Variants in ANKRD28 observed in about 807,000 individuals in gnomAD.
The protein encoded by ANKRD28 is serine/threonine-protein phosphatase 6 regulatory ankyrin repeat subunit A.
Under a neutral mutation model 126.5 loss-of-function variants are expected in ANKRD28, and 44 were observed. That is an observed-to-expected ratio of 0.35 (90% confidence interval 0.27 to 0.45). The LOEUF (loss-of-function observed/expected upper bound fraction) is 0.45, where lower values mean the gene tolerates loss of function less well. ANKRD28 is among the 20% of genes least tolerant of loss of function. The pLI, the probability that ANKRD28 is intolerant of heterozygous loss-of-function variation, is 1.00. For synonymous variants in ANKRD28, 442 were observed against 468.5 expected, an observed-to-expected ratio of 0.94 and a Z score of 0.73; for missense variants, 1,110 against 1,316.6, an observed-to-expected ratio of 0.84 and a Z score of 2.43.
At chr3:15,681,323 G>A (rs368591277) in intron 21 of ANKRD28, among the ~76,000 whole-genome samples, 17 of 152,162 alleles carry the variant, frequency 1.1e-4, no homozygotes, top group African/African-American at 2.9e-4. Flanking sequence ...TGAATTCACC[G>A]ATGGGGGACC....
intron 14 of ANKRD28, among the ~76,000 whole-genome samples, chr3:15,697,718 T>C (rs1455982379): frequency 1.3e-5 from 2 of 152,194 alleles, no homozygotes; most frequent in Non-Finnish European, 2.9e-5. Context: ...TTCTCAAGGC[T>C]TTGGTATCAG....
chr3:15,728,468 A>T (rs1466006726), intron 6 of ANKRD28, among the ~76,000 whole-genome samples: 4 of 152,032 alleles, frequency 2.6e-5, no homozygotes, highest in Non-Finnish European at 4.4e-5. Context: ...TAATCTTTAA[A>T]TTTTTTTGTA....
intron 2 of ANKRD28, among the ~76,000 whole-genome samples, chr3:15,788,036 A>G (rs765039391): frequency 6.6e-6 from 1 of 152,198 alleles, no homozygotes; most frequent in Non-Finnish European, 1.5e-5. Context: ...TCAGCTCTTT[A>G]GAGTTTAAAA....
intron 2 of ANKRD28, among the ~76,000 whole-genome samples, chr3:15,771,851 G>A (rs2059028551): frequency 6.6e-6 from 1 of 152,064 alleles, no homozygotes; most frequent in Non-Finnish European, 1.5e-5. Flanking sequence ...TATGTTCTTT[G>A]GCCATAACAA....
intron 6 of ANKRD28, chr3:15,731,882 GGGGTGT>G: frequency 7.4e-6 from 1 of 135,782 alleles, no homozygotes; most frequent in African/African-American, 3.0e-5. Flanking sequence ...AAAGGGGGGG[GGGGTGT>G]GTGGGGAGGG....
chr3:15,829,866 A>G (rs533125336), intron 1 of ANKRD28, among the ~76,000 whole-genome samples: 7 of 152,276 alleles, frequency 4.6e-5, no homozygotes, highest in African/African-American at 1.4e-4. Flanking sequence ...TATTTTCAAT[A>G]AAAGGTTTGC....
chr3:15,709,644 T>A, intron 13 of ANKRD28, 24 bp downstream of exon 13: 1 of 1,513,986 alleles, frequency 6.6e-7, no homozygotes, highest in Non-Finnish European at 8.9e-7. Context: ...ATAGGCTCCA[T>A]AAAGAAACTG....
chr3:15,787,425 A>C (rs1348980), intron 2 of ANKRD28, among the ~76,000 whole-genome samples: 101,945 of 152,012 alleles, frequency 0.67, 34,713 homozygotes, highest in East Asian at 0.91. Context: ...ACTGGCCACA[A>C]AGAGCTGGAG....
At chr3:15,840,168 A>C (rs369209218) in intron 1 of ANKRD28, among the ~76,000 whole-genome samples, 2 of 152,226 alleles carry the variant, frequency 1.3e-5, no homozygotes, top group Non-Finnish European at 2.9e-5. Context: ...CACACAAAAA[A>C]ACTATTAGAA....
chr3:15,709,661 A>G lies in ANKRD28; in HGVS notation c.1406+7T>C. On this transcript the variant is annotated splice_region_variant and intron_variant, in intron 13 of 27. Transcript: ENST00000683139. ...AGGCTCCATAAAGAAACTGTATCATACCCTACCTCCCAAATTTGTCCTTTT... is the reference window on the plus strand; with the variant it reads ...AGGCTCCATAAAGAAACTGTATCATGCCCTACCTCCCAAATTTGTCCTTTT... 1.9e-6 allele frequency: 3 copies of G among 1,569,926 alleles called. No homozygotes were observed. Among genetic ancestry groups the G allele is most frequent in the Non-Finnish European group, 2.6e-6 (3 of 1,155,186 alleles).
intron 14 of ANKRD28, among the ~76,000 whole-genome samples, chr3:15,702,512 T>G (rs551120839): frequency 1.2e-4 from 18 of 152,178 alleles, no homozygotes; most frequent in Non-Finnish European, 2.5e-4. Context: ...CTAAACAATA[T>G]TCTGTTACAA....
At chr3:15,828,877 T>G (rs539576538) in intron 1 of ANKRD28, among the ~76,000 whole-genome samples, 3 of 152,310 alleles carry the variant, frequency 2.0e-5, no homozygotes, top group East Asian at 1.9e-4. Flanking sequence ...CTTAATTTTA[T>G]ATAGATAAGA....
chr3:15,689,833 A>G (rs1353702922), intron 18 of ANKRD28, 186 bp downstream of exon 18: 2 of 584,994 alleles, frequency 3.4e-6, no homozygotes, highest in Non-Finnish European at 5.9e-6. Context: ...TTTATGAATG[A>G]CGGAGGCTTT....
chr3:15,835,450 C>A (rs564215745), intron 1 of ANKRD28, among the ~76,000 whole-genome samples: 5 of 152,130 alleles, frequency 3.3e-5, no homozygotes, highest in Admixed American at 2.6e-4. Context: ...ACAACAACAA[C>A]AAAAAAAGGT....
chr3:15,708,125 G>C (rs755071646), intron 13 of ANKRD28, 61 bp from the exon 14 acceptor site: 64 of 1,523,690 alleles, frequency 4.2e-5, no homozygotes, highest in Non-Finnish European at 5.7e-5. Context: ...GTAAACAAAA[G>C]CATAGTTGAC....
In ANKRD28 at chr3:15,795,210, T is replaced by C. The variant is rs2060222042; in HGVS notation, c.201+13A>G. On this transcript the variant is annotated intron_variant, in intron 2 of 27. Coordinates refer to ENST00000683139, the MANE Select transcript of ANKRD28 (RefSeq NM_001349278.2). The stretch of plus-strand genomic sequence containing the variant: ...AGTTTTAAAGGCTGGCATCAGTGAA[T>C]TAACTGTTTTACCTGAAAGTTAACA... 3.2e-6 allele frequency: 5 copies of C among 1,564,052 alleles called. No homozygotes were observed. Among genetic ancestry groups the C allele is most frequent in the African/African-American group, 1.4e-5 (1 of 72,966 alleles).
At chr3:15,685,528 AC>A in intron 20 of ANKRD28, 83 bp from the exon 21 acceptor site, 1 of 1,230,940 alleles carries the variant, frequency 8.1e-7, no homozygotes, top group Non-Finnish European at 1.2e-6. Flanking sequence ...AACTTTAAAG[AC>A]CATACTCTCC....
At chr3:15,798,789 G>C (rs2060386529), upstream of ANKRD28, among the ~76,000 whole-genome samples, 1 of 151,698 alleles carries the variant, frequency 6.6e-6, no homozygotes, top group Non-Finnish European at 1.5e-5. Context: ...TTCTTTCTCT[G>C]TTTACCCAAC....
chr3:15,800,447 C>T (rs899829733), upstream of ANKRD28, among the ~76,000 whole-genome samples: 1 of 152,048 alleles, frequency 6.6e-6, no homozygotes, highest in Non-Finnish European at 1.5e-5. Context: ...GATAACCTTA[C>T]TGTTATGGAT....
Sources: gnomAD v4.1 joint callset for allele counts (sites outside exome capture counted in the v4.1 genomes callset) on GRCh38, gnomAD v4.1.1 for gene constraint, MANE v1.5 for transcripts, NCBI Gene and HGNC (gene_info 2026-07-23, HGNC 2026-07-21) for gene names.